Variants in ERCC4 observed in about 807,000 individuals in gnomAD.
The protein encoded by ERCC4 is ERCC excision repair 4, endonuclease catalytic subunit.
ERCC4 carries 65 observed loss-of-function variants against 76.9 expected under a neutral mutation model. That is an observed-to-expected ratio of 0.84 (90% confidence interval 0.69 to 1.04). The LOEUF (loss-of-function observed/expected upper bound fraction) is 1.04, where lower values mean the gene tolerates loss of function less well. Ranked by LOEUF, ERCC4 falls within the 50% of genes least tolerant of loss-of-function variation. The probability of loss-of-function intolerance (pLI) is 0.00; values close to 1 mark genes in which losing one functional copy is unlikely to be tolerated. For missense variants in ERCC4, 1,214 were observed against 1,128.2 expected, an observed-to-expected ratio of 1.08 and a Z score of -1.09; for synonymous variants, 463 against 410.1, an observed-to-expected ratio of 1.13 and a Z score of -1.56.
At position 13,950,792 on chromosome 16, in the gene ERCC4, T is replaced by C. The variant is rs777015670; in HGVS notation, c.*2445T>C. 1.0e-5 allele frequency: 2 copies of C among 193,952 alleles called. No individual in the cohort carries two copies. Among genetic ancestry groups the C allele is most frequent in the African/African-American group, 4.6e-5 (2 of 43,192 alleles). 12.0% of individuals were successfully genotyped at this position (193,952 alleles called of 1,614,324 possible). On this transcript the variant is annotated 3_prime_UTR_variant, in exon 11 of 11. Coordinates refer to ENST00000311895, the MANE Select transcript of ERCC4 (RefSeq NM_005236.3). ...AGGAACATCTTCCCATAGCATATTC[T>C]ATGAAAGGGGTTTCATTCCAAGTTG...
intron 2 of ERCC4, among the ~76,000 whole-genome samples, chr16:13,923,972 C>T (rs3136072): frequency 6.6e-6 from 1 of 152,140 alleles, no homozygotes; most frequent in Non-Finnish European, 1.5e-5. Flanking sequence ...ATTTATGCAA[C>T]GTTGAAGTCT....
chr16:13,932,604 AATT>A, intron 6 of ERCC4: 2 of 436,488 alleles, frequency 4.6e-6, no homozygotes, highest in South Asian at 3.3e-5. Flanking sequence ...ACTTCAAAGT[AATT>A]ATTATTTTTG....
In ERCC4 at chr16:13,948,545, T is replaced by C. The variant is rs542176025; in HGVS notation, c.*198T>C. The C allele has an allele frequency of 4.0e-5, 25 of 628,168 alleles. No individual in the cohort carries two copies. Among genetic ancestry groups the C allele is most frequent in the Non-Finnish European group, 6.1e-5 (22 of 360,112 alleles). The allele number at this position is 628,168 out of a possible 1,614,324, so 38.9% of individuals were successfully genotyped here. A position where few individuals can be genotyped will look rare whatever the true frequency, so the allele number is the denominator to read the frequency against. ...ACTTGAACTTGCCTGTGCCTGCTCTTTTTCCTCCCTGCACCGTCTATGCCG... is the reference window on the plus strand; with the variant it reads ...ACTTGAACTTGCCTGTGCCTGCTCTCTTTCCTCCCTGCACCGTCTATGCCG... On this transcript the variant is annotated 3_prime_UTR_variant, in exon 11 of 11. Coordinates refer to ENST00000311895, the MANE Select transcript of ERCC4 (RefSeq NM_005236.3).
chr16:13,934,648 C>A, intron 7 of ERCC4: 2 of 277,566 alleles, frequency 7.2e-6, no homozygotes, highest in Non-Finnish European at 1.4e-5. Flanking sequence ...AATCTGGAAT[C>A]CCCAAGGAAT....
At chr16:13,937,319 G>A (rs921529154) in intron 8 of ERCC4, among the ~76,000 whole-genome samples, 18 of 152,164 alleles carry the variant, frequency 1.2e-4, no homozygotes, top group African/African-American at 4.3e-4. Context: ...TAAAATGTGT[G>A]ACCGCTGTAT....
Position 13,935,331 on chromosome 16 carries a change from A to G in ERCC4, c.1399A>G (p.Lys467Glu), listed in dbSNP as rs1389458955. 6.2e-7 allele frequency: 1 copy of G among 1,613,634 alleles called. No individual in the cohort carries two copies. Residue 467 changes from lysine to glutamate, a missense_variant, in exon 8 of 11, where the codon AAA becomes GAA. Coordinates refer to ENST00000311895, the MANE Select transcript of ERCC4 (RefSeq NM_005236.3). ...DSSKRIRKSH[K>E]RPKDPQNKER... ...TTCAAAGAGAATTAGGAAATCTCAC[A>G]AAAGACCTAAAGACCCCCAAAACAA...
intron 10 of ERCC4, among the ~76,000 whole-genome samples, chr16:13,946,137 C>G (rs910606907): frequency 2.0e-5 from 3 of 152,192 alleles, no homozygotes; most frequent in Non-Finnish European, 2.9e-5. Flanking sequence ...GCATAGCATC[C>G]TCCCTTCTCT....
In ERCC4 at chr16:13,933,973, A is replaced by G. The variant is rs2141605589; in HGVS notation, c.1103-219A>G. 1.3e-5 allele frequency: 6 copies of G among 477,258 alleles called. No individual in the cohort carries two copies. In the South Asian group the frequency reaches 1.4e-4, roughly 11 times the overall value. The allele number at this position is 477,258 out of a possible 1,614,324, so 29.6% of individuals were successfully genotyped here. On this transcript the variant is annotated intron_variant, in intron 6 of 10. Coordinates refer to ENST00000311895, the MANE Select transcript of ERCC4 (RefSeq NM_005236.3). ...GTGACCATGCATATAACTTTCTACC[A>G]AGGCATTTTGAAAGCCATATTAATG...
intron 5 of ERCC4, 79 bp downstream of exon 5, chr16:13,930,969 A>T: frequency 1.1e-6 from 1 of 926,336 alleles, no homozygotes; most frequent in Non-Finnish European, 1.8e-6. Context: ...TCAGGTGTGA[A>T]AAGTGCTATA....
intron 10 of ERCC4, among the ~76,000 whole-genome samples, chr16:13,946,341 C>G (rs1024807247): frequency 6.6e-6 from 1 of 152,224 alleles, no homozygotes; most frequent in Non-Finnish European, 1.5e-5. Context: ...CACAGCTAGG[C>G]TATGTGGTAT....
In ERCC4 at chr16:13,947,977, A is replaced by G. The variant is rs2032553424; in HGVS notation, c.2381A>G (p.His794Arg). ...TCCAAACTCACTCTTCTTACACTTC[A>G]CTTCCCCAGACTACGGATTCTCTGG... ...ISSKLTLLTL[H>R]FPRLRILWCP... is the part of the protein sequence containing the mutation. The change falls in exon 11 of 11, where the codon CAC becomes CGC. Residue 794 changes from histidine (H) to arginine (R), a missense_variant. His to Arg is a conservative substitution (Grantham distance 29). Coordinates refer to ENST00000311895, the MANE Select transcript of ERCC4 (RefSeq NM_005236.3). 2 of 1,613,790 alleles carry G rather than the reference A, an allele frequency of 1.2e-6. No individual in the cohort carries two copies. Among genetic ancestry groups the G allele is most frequent in the Admixed American group, 1.7e-5 (1 of 59,970 alleles).
At chr16:13,926,116 A>AT (rs2032067662) in intron 2 of ERCC4, among the ~76,000 whole-genome samples, 1 of 151,980 alleles carries the variant, frequency 6.6e-6, no homozygotes, top group Non-Finnish European at 1.5e-5. Flanking sequence ...TGATTCATAC[A>AT]TTAAAAAAAA....
intron 9 of ERCC4, 106 bp downstream of exon 9, chr16:13,937,964 G>T (rs990909333): frequency 1.2e-5 from 9 of 759,514 alleles, no homozygotes; most frequent in Non-Finnish European, 2.1e-5. Flanking sequence ...GGAAGACGTT[G>T]GAGAGGATCA....
Position 13,947,583 on chromosome 16 carries a change from C to T in ERCC4, c.2018-31C>T, listed in dbSNP as rs932346012. 2.5e-6 allele frequency: 4 copies of T among 1,612,918 alleles called. No individual in the cohort carries two copies. The African/African-American group carries it at 5.3e-5, about 22-fold the overall frequency. ...TATATTCCTTCTTTGAGAGTTCTTC[C>T]CCAGTGACATTACTTACTTTTTCTC... is the stretch of plus-strand genomic sequence containing the variant. On this transcript the variant is annotated intron_variant, in intron 10 of 10. Transcript: ENST00000311895.
chr16:13,932,150 G>T lies in ERCC4; in HGVS notation c.974-7G>T, dbSNP rs254942. On this transcript the variant is annotated splice_region_variant and splice_polypyrimidine_tract_variant and intron_variant, in intron 5 of 10. Transcript: ENST00000311895. ...ATGGCACTTTTTCTTTTAACTTTTCGTATTAGGTTGGCTGTTTCTTGACTC... is the reference window on the plus strand; with the variant it reads ...ATGGCACTTTTTCTTTTAACTTTTCTTATTAGGTTGGCTGTTTCTTGACTC... 3 of 1,612,612 alleles carry T rather than the reference G, an allele frequency of 1.9e-6. No homozygotes were observed. Among genetic ancestry groups the T allele is most frequent in the Non-Finnish European group, 1.7e-6 (2 of 1,178,762 alleles).
At chr16:13,932,636 G>T in intron 6 of ERCC4, 2 of 350,758 alleles carry the variant, frequency 5.7e-6, no homozygotes, top group South Asian at 7.2e-5. Context: ...TGAGGTTGGG[G>T]CATGGTGGCA....
At chr16:13,945,702 C>T (rs557374514) in intron 10 of ERCC4, among the ~76,000 whole-genome samples, 5 of 152,284 alleles carry the variant, frequency 3.3e-5, no homozygotes, top group African/African-American at 1.2e-4. Flanking sequence ...TTGGACCATA[C>T]TTTGGGAAAC....
chr16:13,932,175 C>T lies in ERCC4; in HGVS notation c.992C>T (p.Ser331Phe). 1 of 1,613,570 alleles carries T rather than the reference C, an allele frequency of 6.2e-7. No individual in the cohort carries two copies. Among genetic ancestry groups the T allele is most frequent in the Non-Finnish European group, 8.5e-7 (1 of 1,179,558 alleles). Residue 331 changes from serine to phenylalanine, a missense_variant, in exon 6 of 11, where the codon TCC becomes TTC. Coordinates refer to ENST00000311895, the MANE Select transcript of ERCC4 (RefSeq NM_005236.3). ...GTATTAGGTTGGCTGTTTCTTGACT[C>T]CAGCACCTCGATGTTTATAAATGCT... ...GQNSGWLFLDSSTSMFINARA... is the reference protein window; with the variant it reads ...GQNSGWLFLDFSTSMFINARA...
At chr16:13,940,429 A>C (rs748261602) in intron 9 of ERCC4, among the ~76,000 whole-genome samples, 2 of 152,172 alleles carry the variant, frequency 1.3e-5, no homozygotes, top group Non-Finnish European at 2.9e-5. Flanking sequence ...GCAAAGGGAA[A>C]AGGCACATGG....
Sources: allele counts gnomAD v4.1 joint callset (sites outside exome capture counted in the v4.1 genomes callset), GRCh38; gene constraint gnomAD v4.1.1; transcripts MANE v1.5; gene names NCBI Gene and HGNC (gene_info 2026-07-23, HGNC 2026-07-21).